Variants in NLGN1 observed in about 807,000 individuals in gnomAD.
NLGN1 encodes the protein neuroligin-1.
In NLGN1, 12 loss-of-function variants were observed where a neutral mutation model predicts 65.5. That is an observed-to-expected ratio of 0.18 (90% CI 0.12 to 0.30). The LOEUF is 0.30. Ranked by LOEUF, NLGN1 falls within the 10% of genes least tolerant of loss-of-function variation. The probability of loss-of-function intolerance (pLI) is 1.00; values close to 1 mark genes in which losing one functional copy is unlikely to be tolerated. For missense variants in NLGN1, 750 were observed against 1,007.1 expected, an observed-to-expected ratio of 0.74 and a Z score of 3.46; for synonymous variants, 350 against 359.5, an observed-to-expected ratio of 0.97 and a Z score of 0.30.
chr3:174,117,153 A>G (rs1346574289), intron 4 of NLGN1, among the ~76,000 whole-genome samples: 2 of 152,076 alleles, frequency 1.3e-5, no homozygotes, highest in African/African-American at 2.4e-5. Context: ...TTTTAACTTT[A>G]TAGCCTATTT....
At chr3:173,776,079 A>T (rs1467786312) in intron 3 of NLGN1, among the ~76,000 whole-genome samples, 3 of 152,056 alleles carry the variant, frequency 2.0e-5, no homozygotes, top group African/African-American at 7.2e-5. Context: ...TTTTTACTAA[A>T]CCTTCCAGGC....
At chr3:174,154,952 A>AATATAATATATAATTATATATAATATATT (rs1374619087) in intron 4 of NLGN1, among the ~76,000 whole-genome samples, 19 of 141,208 alleles carry the variant, frequency 1.3e-4, no homozygotes, top group Non-Finnish European at 2.6e-4. Context: ...TATAATATAT[A>AATATAATATATAATTATATATAATATATT]ATATAATATA....
intron 4 of NLGN1, among the ~76,000 whole-genome samples, chr3:173,821,613 T>C (rs1560437939): frequency 6.6e-6 from 1 of 152,154 alleles, no homozygotes; most frequent in Non-Finnish European, 1.5e-5. Context: ...GCTCTTCTGT[T>C]TTAGTATCAA....
intron 3 of NLGN1, among the ~76,000 whole-genome samples, chr3:173,700,227 G>A (rs1456613579): frequency 6.6e-6 from 1 of 152,140 alleles, no homozygotes; most frequent in Non-Finnish European, 1.5e-5. Flanking sequence ...AATCACTACT[G>A]CAGAAATGCT....
chr3:173,722,681 C>A lies in NLGN1; in HGVS notation c.494-84999C>A, dbSNP rs557300128. Among the ~76,000 whole-genome samples, 185 of 152,328 alleles carry A rather than the reference C, an allele frequency of 1.2e-3. 1 individual carries two copies. Among genetic ancestry groups the A allele is most frequent in the Admixed American group, 4.1e-3 (62 of 15,290 alleles). Reference sequence around the variant, plus strand: ...TCTGTCACACATAATACCTGCATGACCATGACAAAATTACTTAATCTCCCT... The same window carrying A: ...TCTGTCACACATAATACCTGCATGAACATGACAAAATTACTTAATCTCCCT... On this transcript the variant is annotated intron_variant, in intron 3 of 6. Coordinates refer to ENST00000457714, the Ensembl canonical transcript of NLGN1.
chr3:174,275,005 G>C (rs1269403942), intron 4 of NLGN1, among the ~76,000 whole-genome samples: 1 of 151,790 alleles, frequency 6.6e-6, no homozygotes, highest in Non-Finnish European at 1.5e-5. Flanking sequence ...TGTCTCCACT[G>C]AGTAGCTTGG....
chr3:173,733,189 G>A (rs992754175), intron 3 of NLGN1, among the ~76,000 whole-genome samples: 18 of 152,238 alleles, frequency 1.2e-4, no homozygotes, highest in African/African-American at 4.1e-4. Context: ...GCTGATTGGA[G>A]TTGTTGAGTG....
At chr3:174,244,589 AAAAT>A (rs539957863) in intron 4 of NLGN1, among the ~76,000 whole-genome samples, 18 of 152,370 alleles carry the variant, frequency 1.2e-4, no homozygotes, top group African/African-American at 4.3e-4. Context: ...CAGTGTAGGT[AAAAT>A]AATTTTTAAA....
At chr3:174,056,645 G>A (rs371557814) in intron 4 of NLGN1, among the ~76,000 whole-genome samples, 20 of 151,958 alleles carry the variant, frequency 1.3e-4, no homozygotes, top group African/African-American at 4.6e-4. Flanking sequence ...AAAGATAAAG[G>A]CCATTTATTT....
chr3:173,462,642 C>A (rs950090119), intron 2 of NLGN1, among the ~76,000 whole-genome samples: 1 of 152,168 alleles, frequency 6.6e-6, no homozygotes, highest in African/African-American at 2.4e-5. Flanking sequence ...GTGACTTTAA[C>A]CTTCAGCCTT....
intron 4 of NLGN1, among the ~76,000 whole-genome samples, chr3:173,951,726 G>A (rs967760869): frequency 5.9e-5 from 9 of 152,072 alleles, no homozygotes; most frequent in Non-Finnish European, 1.2e-4. Flanking sequence ...CTCCCAAAGT[G>A]CTGGGATTAC....
chr3:173,933,493 A>G (rs1744511218), intron 4 of NLGN1, among the ~76,000 whole-genome samples: 1 of 152,198 alleles, frequency 6.6e-6, no homozygotes, highest in African/African-American at 2.4e-5. Flanking sequence ...AGGGGTATCT[A>G]TCTTGGTTGA....
intron 4 of NLGN1, among the ~76,000 whole-genome samples, chr3:173,994,014 G>A (rs1328375554): frequency 6.6e-6 from 1 of 151,870 alleles, no homozygotes; most frequent in Non-Finnish European, 1.5e-5. Flanking sequence ...AAATATTCCA[G>A]ATCAATCAAT....
chr3:174,256,876 A>G (rs1403200323), intron 4 of NLGN1, among the ~76,000 whole-genome samples: 2 of 152,212 alleles, frequency 1.3e-5, no homozygotes, highest in Non-Finnish European at 2.9e-5. Context: ...CGAAGACACC[A>G]AAAGCAATTA....
At chr3:173,859,250 A>T (rs1305037657) in intron 4 of NLGN1, among the ~76,000 whole-genome samples, 1 of 152,118 alleles carries the variant, frequency 6.6e-6, no homozygotes, top group Non-Finnish European at 1.5e-5. Flanking sequence ...TTAATAACTA[A>T]CTATGAAAAC....
At chr3:173,711,378 C>A (rs1441438296) in intron 3 of NLGN1, among the ~76,000 whole-genome samples, 1 of 152,082 alleles carries the variant, frequency 6.6e-6, no homozygotes. Context: ...CAAGTCAAAA[C>A]ATGAAGAAAC....
At chr3:173,803,235 CT>C (rs1715850892) in intron 3 of NLGN1, among the ~76,000 whole-genome samples, 1 of 152,134 alleles carries the variant, frequency 6.6e-6, no homozygotes, top group Admixed American at 6.5e-5. Context: ...TTTCTACCAA[CT>C]TATTTTAAAA....
chr3:173,802,708 A>T (rs1473489987), intron 3 of NLGN1, among the ~76,000 whole-genome samples: 3 of 152,188 alleles, frequency 2.0e-5, no homozygotes, highest in African/African-American at 7.2e-5. Context: ...TCAGGTCATC[A>T]GATCACTTAT....
intron 4 of NLGN1, among the ~76,000 whole-genome samples, chr3:174,235,043 A>C (rs1347792942): frequency 1.1e-5 from 1 of 87,416 alleles, no homozygotes; most frequent in Non-Finnish European, 2.1e-5. Flanking sequence ...CATTCTAGTG[A>C]CAGCCAGTTT....
Sources: allele counts gnomAD v4.1 joint callset (sites outside exome capture counted in the v4.1 genomes callset), GRCh38; gene constraint gnomAD v4.1.1; transcripts MANE v1.5; gene names NCBI Gene and HGNC (gene_info 2026-07-23, HGNC 2026-07-21).